FOXP1: variants seen among roughly 807,000 people sequenced by gnomAD.
FOXP1 encodes the protein forkhead box P1, also known as forkhead box protein P1.
FOXP1 carries 15 observed loss-of-function variants against 98.2 expected under a neutral mutation model. The ratio of observed to expected loss-of-function variants is 0.15; its 90% CI spans 0.10 to 0.24. FOXP1 has a LOEUF of 0.24. Ranked by LOEUF, FOXP1 falls within the 10% of genes least tolerant of loss-of-function variation. FOXP1 has a pLI of 1.00. For missense variants in FOXP1, 633 were observed against 848.5 expected (o/e 0.75, Z 3.15); for synonymous variants, 371 against 314.5 (o/e 1.18, Z -1.90).
At position 71,583,571 on chromosome 3, in the gene FOXP1, C is replaced by T; in HGVS notation, c.-447G>A. 1 of 983,776 alleles carries T rather than the reference C, an allele frequency of 1.0e-6. No individual in the cohort carries two copies. Among genetic ancestry groups the T allele is most frequent in the Non-Finnish European group, 1.2e-6 (1 of 829,488 alleles). 60.9% of individuals were successfully genotyped at this position (983,776 alleles called of 1,614,324 possible). A position where few individuals can be genotyped will look rare whatever the true frequency, so the allele number is the denominator to read the frequency against. ...CAGAAATGGAAAAATACAAACTCAC[C>T]CGCTGCAAATGGTCTCTCGGTGCAA... On this transcript the variant is annotated splice_region_variant and 5_prime_UTR_variant, in exon 1 of 21. Transcript: ENST00000649528.
At chr3:71,141,231 G>A (rs374678871) in intron 6 of FOXP1, among the ~76,000 whole-genome samples, 5 of 137,072 alleles carry the variant, frequency 3.6e-5, no homozygotes, top group Non-Finnish European at 6.0e-5. Context: ...TGGCACCACC[G>A]CATTCCAGCC....
intron 14 of FOXP1, among the ~76,000 whole-genome samples, chr3:70,984,108 G>C (rs1280316739): frequency 5.3e-5 from 8 of 152,324 alleles, no homozygotes; most frequent in Middle Eastern, 3.4e-3. Context: ...CATTCTAAAT[G>C]TAAGAACTGC....
chr3:71,429,450 C>T (rs867092444), intron 3 of FOXP1, among the ~76,000 whole-genome samples: 33 of 119,358 alleles, frequency 2.8e-4, no homozygotes, highest in Admixed American at 1.0e-3. Flanking sequence ...CGGAACTCAG[C>T]ACTTGTGTGT....
chr3:71,062,439 A>G (rs528333603), intron 7 of FOXP1, among the ~76,000 whole-genome samples: 1 of 152,308 alleles, frequency 6.6e-6, no homozygotes, highest in South Asian at 2.1e-4. Context: ...TTTGACACTT[A>G]GGTTGTTTTC....
intron 2 of FOXP1, among the ~76,000 whole-genome samples, chr3:71,568,309 C>A (rs942558045): frequency 2.6e-5 from 4 of 152,152 alleles, no homozygotes; most frequent in African/African-American, 9.7e-5. Flanking sequence ...TGGATGAGTG[C>A]AAGCTGTACA....
chr3:71,160,727 A>G (rs2061094254), intron 6 of FOXP1, among the ~76,000 whole-genome samples: 1 of 152,254 alleles, frequency 6.6e-6, no homozygotes, highest in Admixed American at 6.5e-5. Flanking sequence ...TTCCATGACC[A>G]ATGCACAGCA....
rs2031898972 is a variant in FOXP1, at chr3:70,956,732, G to GGTTTT, written c.*2514_*2515insAAAAC. 3 of 32,812 alleles carry GGTTTT rather than the reference G, an allele frequency of 9.1e-5. No homozygotes were observed. In the East Asian group the frequency reaches 2.2e-3, roughly 24 times the overall value. The allele number at this position is 32,812 out of a possible 1,614,324, so 2.0% of individuals were successfully genotyped here. A position where few individuals can be genotyped will look rare whatever the true frequency, so the allele number is the denominator to read the frequency against. ...GCACATCATGAAGCTGCCTGGAAAA[G>GGTTTT]TTTTTTTTTTTTTTTTTTTTTTTTT... On this transcript the variant is annotated 3_prime_UTR_variant, in exon 21 of 21. Coordinates refer to ENST00000649528, the MANE Select transcript of FOXP1 (RefSeq NM_001349338.3).
At chr3:71,144,676 G>C (rs2060220730) in intron 6 of FOXP1, among the ~76,000 whole-genome samples, 1 of 152,208 alleles carries the variant, frequency 6.6e-6, no homozygotes, top group South Asian at 2.1e-4. Context: ...GGGCTGTGTA[G>C]AGCATGTGCA....
intron 2 of FOXP1, among the ~76,000 whole-genome samples, chr3:71,518,053 C>G (rs1268190230): frequency 3.3e-5 from 5 of 152,186 alleles, no homozygotes; most frequent in Non-Finnish European, 5.9e-5. Flanking sequence ...GTGAAAAACT[C>G]TCTGCCTTTC....
At chr3:71,143,342 G>C (rs1279044572) in intron 6 of FOXP1, among the ~76,000 whole-genome samples, 1 of 152,132 alleles carries the variant, frequency 6.6e-6, no homozygotes, top group African/African-American at 2.4e-5. Flanking sequence ...AAGGGATGTG[G>C]GGATACCTCC....
intron 3 of FOXP1, among the ~76,000 whole-genome samples, chr3:71,462,102 G>C (rs1481352128): frequency 1.3e-5 from 2 of 152,198 alleles, no homozygotes; most frequent in Non-Finnish European, 2.9e-5. Flanking sequence ...AATTCACCAA[G>C]AGGAAGGCCT....
chr3:71,499,123 A>G (rs1184896754), intron 2 of FOXP1, among the ~76,000 whole-genome samples: 3 of 152,132 alleles, frequency 2.0e-5, no homozygotes, highest in East Asian at 3.9e-4. Context: ...TGTCCAACCA[A>G]TGGGAGCTCT....
chr3:71,048,873 T>G (rs1278125055), intron 9 of FOXP1, among the ~76,000 whole-genome samples: 3 of 152,140 alleles, frequency 2.0e-5, no homozygotes, highest in African/African-American at 7.2e-5. Flanking sequence ...TTTAAAAATT[T>G]TGTATTTATG....
chr3:71,145,707 A>G (rs779023965), intron 6 of FOXP1, among the ~76,000 whole-genome samples: 1 of 152,198 alleles, frequency 6.6e-6, no homozygotes, highest in Non-Finnish European at 1.5e-5. Flanking sequence ...ATAGGTGTAT[A>G]GTGGTATCGC....
chr3:71,169,867 C>T (rs934074303), intron 6 of FOXP1, among the ~76,000 whole-genome samples: 5 of 151,700 alleles, frequency 3.3e-5, no homozygotes, highest in Non-Finnish European at 7.4e-5. Flanking sequence ...GAAGGCTCTT[C>T]TATTTTGGTT....
At chr3:71,129,938 C>T (rs1020969716) in intron 6 of FOXP1, among the ~76,000 whole-genome samples, 1 of 152,250 alleles carries the variant, frequency 6.6e-6, no homozygotes, top group African/African-American at 2.4e-5. Context: ...CAGCCCACTC[C>T]GTTGAAACAA....
At chr3:71,438,606 C>G (rs1459129046) in intron 3 of FOXP1, among the ~76,000 whole-genome samples, 1 of 152,138 alleles carries the variant, frequency 6.6e-6, no homozygotes, top group Non-Finnish European at 1.5e-5. Context: ...GAGACTGCCT[C>G]TCCCTTGGGT....
At chr3:71,085,029 G>A (rs999205149) in intron 7 of FOXP1, among the ~76,000 whole-genome samples, 4 of 152,184 alleles carry the variant, frequency 2.6e-5, no homozygotes, top group Non-Finnish European at 4.4e-5. Context: ...GTCATTCCTT[G>A]TTAGTGGCTG....
rs571782265 is a variant in FOXP1 at position 70,958,349 on chromosome 3, C to T, written c.*898G>A. 1.3e-5 allele frequency: 7 copies of T among 533,820 alleles called. No homozygotes were observed. Among genetic ancestry groups the T allele is most frequent in the South Asian group, 6.1e-5 (4 of 65,058 alleles). 33.1% of individuals were successfully genotyped at this position (533,820 alleles called of 1,614,324 possible). On this transcript the variant is annotated 3_prime_UTR_variant, in exon 21 of 21. Coordinates refer to ENST00000649528, the MANE Select transcript of FOXP1 (RefSeq NM_001349338.3). ...GTCATTCATTCTCTTTCTGGCAGGA[C>T]GTCACGTCTGTGTGAGAGGGCCTTC...
Sources: gnomAD v4.1 joint callset for allele counts (sites outside exome capture counted in the v4.1 genomes callset) on GRCh38, gnomAD v4.1.1 for gene constraint, MANE v1.5 for transcripts, NCBI Gene and HGNC (gene_info 2026-07-23, HGNC 2026-07-21) for gene names.